The following DHRS12 variants were observed in gnomAD, a reference collection of about 807,000 sequenced individuals.
DHRS12 encodes dehydrogenase/reductase SDR family member 12.
Under a neutral mutation model 32.1 loss-of-function variants are expected in DHRS12, and 29 were observed. The ratio of observed to expected loss-of-function variants is 0.90; its 90% CI spans 0.67 to 1.23. DHRS12 has a LOEUF of 1.23. DHRS12 is among the 50% of genes most tolerant of loss of function. DHRS12 has a pLI of 0.00. For synonymous variants in DHRS12, 150 were observed against 135.9 expected, an observed-to-expected ratio of 1.10 and a Z score of -0.72; for missense variants, 330 against 337.2, an observed-to-expected ratio of 0.98 and a Z score of 0.17.
At position 51,799,557 on chromosome 13, in the gene DHRS12, G is replaced by C. The variant is rs1555271944; in HGVS notation, c.103C>G (p.Leu35Val). ...LEETAALAKQ[L>V]PLKSPSENIF... Reference sequence around the variant, plus strand: ...ACCTCGCTTGGCGATTTCAAGGGCAGTTGCTTTGCCAATGCCGCTGTTTCC... The same window carrying C: ...ACCTCGCTTGGCGATTTCAAGGGCACTTGCTTTGCCAATGCCGCTGTTTCC... The change falls in exon 2 of 9, where the codon CTG (leucine) becomes GTG (valine). Residue 35 changes from leucine (L) to valine (V), a missense_variant. Coordinates refer to ENST00000444610, the MANE Select transcript of DHRS12 (RefSeq NM_001377533.1). 6.2e-7 allele frequency: 1 copy of C among 1,613,794 alleles called. No homozygotes were observed. The highest frequency in any genetic ancestry group is 8.5e-7 in the Non-Finnish European group (1 of 1,179,972).
the DHRS12 span, chr13:51,755,589 GA>G: frequency 5.1e-5 from 41 of 807,494 alleles, no homozygotes; most frequent in Non-Finnish European, 7.8e-5. Flanking sequence ...GTCACCTCGT[GA>G]TTGCACAGTA....
chr13:51,758,182 C>A, the DHRS12 span: 1,652 of 1,540,822 alleles, frequency 1.1e-3, 10 homozygotes, highest in African/African-American at 0.018. Flanking sequence ...GCTTTCTTTG[C>A]TCCTTCTAGA....
the DHRS12 span, chr13:51,760,405 G>A: frequency 6.6e-6 from 1 of 152,094 alleles, no homozygotes; most frequent in African/African-American, 2.4e-5. Context: ...TTCTTATGAA[G>A]TAGAAAAGAC....
chr13:51,756,358 C>T, the DHRS12 span: 14 of 1,613,676 alleles, frequency 8.7e-6, no homozygotes, highest in South Asian at 3.3e-5. Flanking sequence ...GTGGGAAGGC[C>T]GTCTGTGGCA....
At chr13:51,803,945 C>G (rs1955875438) in intron 1 of DHRS12, 109 bp downstream of exon 1, 1 of 1,068,490 alleles carries the variant, frequency 9.4e-7, no homozygotes, top group Non-Finnish European at 1.2e-6. Flanking sequence ...TTAGTCGGCC[C>G]AGCGAGAGGG....
chr13:51,777,176 G>C, intron 4 of DHRS12, 55 bp from the exon 5 acceptor site: 1 of 1,601,522 alleles, frequency 6.2e-7, no homozygotes, highest in Non-Finnish European at 8.6e-7. Context: ...CAACTCAAGG[G>C]GTCCTGCAGG....
At chr13:51,794,167 A>G (rs1225323161) in intron 2 of DHRS12, among the ~76,000 whole-genome samples, 2 of 152,226 alleles carry the variant, frequency 1.3e-5, no homozygotes, top group African/African-American at 4.8e-5. Flanking sequence ...GAGCCACACA[A>G]TGAGAAGGCT....
chr13:51,780,584 AAG>A (rs1392357409), intron 4 of DHRS12, among the ~76,000 whole-genome samples: 9 of 152,374 alleles, frequency 5.9e-5, no homozygotes, highest in Middle Eastern at 6.8e-3. Context: ...CATTACGAGA[AAG>A]AGATCTGGCA....
the DHRS12 span, chr13:51,758,172 G>A: frequency 6.5e-7 from 1 of 1,532,138 alleles, no homozygotes; most frequent in Non-Finnish European, 8.9e-7. Flanking sequence ...CCCCTCAGAA[G>A]CTTTCTTTGC....
intron 2 of DHRS12, among the ~76,000 whole-genome samples, chr13:51,796,782 T>G (rs905923603): frequency 3.3e-5 from 5 of 152,082 alleles, no homozygotes; most frequent in African/African-American, 1.2e-4. Context: ...GCAGCGGCAC[T>G]TGCAGACATT....
chr13:51,757,765 G>A, the DHRS12 span, among the ~76,000 whole-genome samples: 1 of 151,710 alleles, frequency 6.6e-6, no homozygotes, highest in Non-Finnish European at 1.5e-5. Flanking sequence ...AAAATGAATG[G>A]AGGGGGATAG....
intron 2 of DHRS12, 30 bp from the exon 3 acceptor site, chr13:51,791,287 C>T (rs1955258063): frequency 3.4e-6 from 4 of 1,164,220 alleles, no homozygotes; most frequent in Non-Finnish European, 4.8e-6. Context: ...AAAAAAAAAC[C>T]CTTTTTAAAA....
Position 51,769,265 on chromosome 13 carries a change from G to C in DHRS12, c.588C>G (p.His196Gln), listed in dbSNP as rs201713739. 1.5e-5 allele frequency: 23 copies of C among 1,584,918 alleles called. No individual in the cohort carries two copies. The East Asian group carries it at 4.8e-4, about 33-fold the overall frequency. Residue 196 changes from histidine to glutamine, a missense_variant, in exon 8 of 9, where the codon CAC (histidine) becomes CAG (glutamine). By Grantham distance (24) the His-to-Gln change is conservative. Transcript: ENST00000444610. ...AGCGCAGGCGGTCCCCGAACCTGGC[G>C]TGGAACCCCGGCATCGCCTGCCTCA... is the stretch of plus-strand genomic sequence containing the variant. ...PGVRQAMPGF[H>Q]ARFGDRLRSE...
intron 4 of DHRS12, chr13:51,789,600 A>G: frequency 3.0e-6 from 3 of 985,448 alleles, no homozygotes; most frequent in Non-Finnish European, 3.6e-6. Context: ...ACCAGAGCCC[A>G]GGTATCTGTG....
At chr13:51,789,641 C>CT (rs1955168160) in intron 4 of DHRS12, 1 of 985,342 alleles carries the variant, frequency 1.0e-6, no homozygotes, top group Admixed American at 6.1e-5. Flanking sequence ...GGTCCATCTT[C>CT]TTGCCCACTG....
intron 4 of DHRS12, among the ~76,000 whole-genome samples, chr13:51,778,165 G>A (rs79933626): frequency 0.014 from 2,090 of 152,350 alleles, 55 homozygotes; most frequent in African/African-American, 0.048. Flanking sequence ...CGGTGTGACC[G>A]TAGGCAAGTG....
chr13:51,768,849 G>A (rs1401378830), intron 8 of DHRS12: 82 of 1,338,776 alleles, frequency 6.1e-5, no homozygotes, highest in Non-Finnish European at 7.3e-5. Flanking sequence ...TTTGAATAGC[G>A]CCCCTCCTGG....
At position 51,790,040 on chromosome 13, in the gene DHRS12, AG is replaced by A. The variant is rs1439740607; in HGVS notation, c.271del (p.Glu92LysfsTer18). 1.8e-5 allele frequency: 29 copies of A among 1,605,076 alleles called. No individual in the cohort carries two copies. The highest frequency in any genetic ancestry group is 2.2e-5 in the Non-Finnish European group (26 of 1,177,484). On this transcript the variant is annotated frameshift_variant, in exon 4 of 9. Transcript: ENST00000444610. LOFTEE classifies it high-confidence loss of function. Reference protein sequence around the residue: ...VNKRELTEDGLEKNFAANTLG... With the variant: ...VNKRELTEDGXEKNFAANTLG... Reference sequence around the variant, plus strand: ...AGTATTGGCAGCAAAGTTTTTTTCAAGTCCATCTTCTGTGAGCTCTCTTTTA... The same window carrying A: ...AGTATTGGCAGCAAAGTTTTTTTCAATCCATCTTCTGTGAGCTCTCTTTTA...
At chr13:51,796,545 T>C (rs745835905) in intron 2 of DHRS12, among the ~76,000 whole-genome samples, 5 of 152,120 alleles carry the variant, frequency 3.3e-5, no homozygotes, top group Non-Finnish European at 7.4e-5. Context: ...CTCCTAAACA[T>C]GGTGGAATTA....
Sources: allele counts gnomAD v4.1 joint callset (sites outside exome capture counted in the v4.1 genomes callset), GRCh38; gene constraint gnomAD v4.1.1; transcripts MANE v1.5; gene names NCBI Gene and HGNC (gene_info 2026-07-23, HGNC 2026-07-21).